Variants in PACSIN1 observed in about 807,000 individuals in gnomAD.
The protein encoded by PACSIN1 is protein kinase C and casein kinase substrate in neurons 1, also known as protein kinase C and casein kinase substrate in neurons protein 1.
A neutral mutation model predicts 59.5 loss-of-function variants in PACSIN1; 15 were observed. The observed-to-expected ratio is 0.25, with a 90% confidence interval of 0.17 to 0.39. The LOEUF is 0.39. Ranked by LOEUF, PACSIN1 falls within the 10% of genes least tolerant of loss-of-function variation. PACSIN1 has a pLI of 1.00. For missense variants in PACSIN1, 420 were observed against 580.2 expected, an observed-to-expected ratio of 0.72 and a Z score of 2.84; for synonymous variants, 210 against 220.6, an observed-to-expected ratio of 0.95 and a Z score of 0.42.
At position 34,531,615 on chromosome 6, in the gene PACSIN1, C is replaced by T; in HGVS notation, c.1053C>T (p.Asp351=). ...AGDRGSVSSY[D]RGQPYATEWS... ...CGCGTCTCAGTGTTAGCAGCTACGA[C>T]AGAGGCCAGCCCTACGCCACCGAGT... The change falls in exon 9 of 10, where the codon GAC becomes GAT. Residue 351 remains aspartate, a synonymous_variant. Coordinates refer to ENST00000244458, the MANE Select transcript of PACSIN1 (RefSeq NM_020804.5). This position sits in a 1 kb window ranked among gnomAD's most constrained non-coding sequence, Gnocchi z 4.4. The T allele has an allele frequency of 6.2e-7, 1 of 1,613,950 alleles. No individual in the cohort carries two copies. Among genetic ancestry groups the T allele is most frequent in the Non-Finnish European group, 8.5e-7 (1 of 1,180,016 alleles).
intron 1 of PACSIN1, among the ~76,000 whole-genome samples, chr6:34,475,235 C>G (rs971511255): frequency 6.6e-6 from 1 of 152,162 alleles, no homozygotes; most frequent in East Asian, 1.9e-4. Flanking sequence ...TACCCCTCAC[C>G]CCTGCCCACA....
intron 1 of PACSIN1, among the ~76,000 whole-genome samples, chr6:34,511,002 C>T (rs560285800): frequency 9.2e-5 from 14 of 152,272 alleles, no homozygotes; most frequent in African/African-American, 2.9e-4. Context: ...TGTGAGCCAC[C>T]GCACTGAGCC....
chr6:34,478,369 C>CT lies in PACSIN1; in HGVS notation c.-64+12120dup, dbSNP rs35124068. ...CCACCACGCCGAGCCTATTTATCTT[C>CT]TTTTTTTTTTTTTTTTTTTTTGAGA... is the stretch of plus-strand genomic sequence containing the variant. On this transcript the variant is annotated intron_variant, in intron 1 of 9. Transcript: ENST00000244458. Among the ~76,000 whole-genome samples the CT allele has an allele frequency of 3.2e-3, 220 of 67,866 alleles. 5 individuals are homozygous for CT. The highest frequency in any genetic ancestry group is 1.0e-2 in the African/African-American group (159 of 15,904). The allele number at this position is 67,866 out of a possible 152,430, so 44.5% of individuals were successfully genotyped here. A position where few individuals can be genotyped will look rare whatever the true frequency, so the allele number is the denominator to read the frequency against.
rs3800466 is a variant in PACSIN1 at position 34,525,235 on chromosome 6, T to C, written c.-63-1008T>C. Among the ~76,000 whole-genome samples, 7,746 of 152,286 alleles carry C rather than the reference T, an allele frequency of 0.051. 367 individuals are homozygous for C. The highest frequency in any genetic ancestry group is 0.11 in the African/African-American group (4,670 of 41,550). On this transcript the variant is annotated intron_variant, in intron 1 of 9. Transcript: ENST00000244458. This position sits in a 1 kb window ranked among gnomAD's most constrained non-coding sequence, Gnocchi z 4.9. The stretch of plus-strand genomic sequence containing the variant: ...CTTCTAAAAGGGAGGGAACAAAATA[T>C]GTTTAGATGCCTGAGGGGTGCAAGA...
In PACSIN1 at chr6:34,521,109, G is replaced by GA. The variant is rs1459899798; in HGVS notation, c.-63-5133dup. Among the ~76,000 whole-genome samples, 1 of 152,246 alleles carries GA rather than the reference G, an allele frequency of 6.6e-6. No homozygotes were observed. The highest frequency in any genetic ancestry group is 1.5e-5 in the Non-Finnish European group (1 of 68,044). The stretch of plus-strand genomic sequence containing the variant: ...ATGCTGGAAATACGGCAGATAACCA[G>GA]ACAGATAAACACCGCTGACTGGACT... On this transcript the variant is annotated intron_variant, in intron 1 of 9. Transcript: ENST00000244458. The surrounding 1 kb of genome is among the most constrained non-coding windows in gnomAD (Gnocchi z 4.3).
chr6:34,513,213 A>T (rs531756416), intron 1 of PACSIN1, among the ~76,000 whole-genome samples: 1 of 152,360 alleles, frequency 6.6e-6, no homozygotes, highest in South Asian at 2.1e-4. Context: ...TAATACTGGA[A>T]TGCTTCATGC....
Position 34,528,722 on chromosome 6 carries a change from G to A in PACSIN1, c.301G>A (p.Val101Met), listed in dbSNP as rs1483714597. Residue 101 changes from valine (V) to methionine (M), a missense_variant, in exon 4 of 10, where the codon GTG (valine) becomes ATG (methionine). Val to Met is a conservative substitution (Grantham distance 21). Coordinates refer to ENST00000244458, the MANE Select transcript of PACSIN1 (RefSeq NM_020804.5). ...ADKVSELHQE[V>M]KNNLLNEDLE... Reference sequence around the variant, plus strand: ...CAAGGTGAGCGAGCTGCACCAGGAGGTGAAGAACAATCTGCTGAATGAGGA... The same window carrying A: ...CAAGGTGAGCGAGCTGCACCAGGAGATGAAGAACAATCTGCTGAATGAGGA... 9 of 1,614,128 alleles carry A rather than the reference G, an allele frequency of 5.6e-6. No individual in the cohort carries two copies. The highest frequency in any genetic ancestry group is 2.2e-5 in the East Asian group (1 of 44,868).
rs115903373 is a variant in PACSIN1 at position 34,500,868 on chromosome 6, C to T, written c.-63-25375C>T. 2.7e-3 allele frequency among the ~76,000 whole-genome samples: 405 copies of T among 152,344 alleles called. 1 individual carries two copies. Among genetic ancestry groups the T allele is most frequent in the African/African-American group, 9.2e-3 (384 of 41,588 alleles). ...TCTACATCAGCACTTGCTGTTTCAACGTGCACTTTGCTGTTATGGAAATGG... is the reference window on the plus strand; with the variant it reads ...TCTACATCAGCACTTGCTGTTTCAATGTGCACTTTGCTGTTATGGAAATGG... On this transcript the variant is annotated intron_variant, in intron 1 of 9. Transcript: ENST00000244458.
At position 34,527,773 on chromosome 6, in the gene PACSIN1, CCCAGGCTCACTGGCCCCA is replaced by C. The variant is rs549957909; in HGVS notation, c.220+287_220+304del. On this transcript the variant is annotated intron_variant, in intron 3 of 9. Transcript: ENST00000244458. ...ACAGAGAATTCCTACATACCCTTCC[CCCAGGCTCACTGGCCCCA>C]CGTTTTCTCACTGACTGTTTATTGA... 6.2e-3 allele frequency: 1,660 copies of C among 267,658 alleles called. 9 individuals are homozygous for C. The highest frequency in any genetic ancestry group is 8.9e-3 in the Non-Finnish European group (1,274 of 143,062). 16.6% of individuals were successfully genotyped at this position (267,658 alleles called of 1,614,324 possible).
chr6:34,477,453 T>G (rs1319004132), intron 1 of PACSIN1, among the ~76,000 whole-genome samples: 1 of 151,898 alleles, frequency 6.6e-6, no homozygotes, highest in East Asian at 1.9e-4. Context: ...TGTGGCCTGT[T>G]GAGGTGCTGT....
chr6:34,529,369 C>G lies in PACSIN1; in HGVS notation c.457-28C>G, dbSNP rs766147536. 14 of 1,612,576 alleles carry G rather than the reference C, an allele frequency of 8.7e-6. No homozygotes were observed. The highest frequency in any genetic ancestry group is 1.7e-4 in the Middle Eastern group (1 of 6,036). Reference sequence around the variant, plus strand: ...TTTGCTGCTGGTCACAAATGAAAACCCTACTCCCTATTCCCCCCTCCCCAC... The same window carrying G: ...TTTGCTGCTGGTCACAAATGAAAACGCTACTCCCTATTCCCCCCTCCCCAC... On this transcript the variant is annotated intron_variant, in intron 4 of 9. Coordinates refer to ENST00000244458, the MANE Select transcript of PACSIN1 (RefSeq NM_020804.5). This position sits in a 1 kb window ranked among gnomAD's most constrained non-coding sequence, Gnocchi z 6.3.
chr6:34,477,851 C>T (rs1235920658), intron 1 of PACSIN1, among the ~76,000 whole-genome samples: 3 of 151,164 alleles, frequency 2.0e-5, no homozygotes, highest in Non-Finnish European at 4.4e-5. Flanking sequence ...TGGGCTTGAG[C>T]TATCCTCACA....
chr6:34,495,272 G>A (rs776350439), intron 1 of PACSIN1, among the ~76,000 whole-genome samples: 44 of 152,212 alleles, frequency 2.9e-4, no homozygotes, highest in Non-Finnish European at 5.7e-4. Context: ...AATGGTGACA[G>A]TGAGGGAAAG....
At chr6:34,487,048 T>A (rs960977239) in intron 1 of PACSIN1, among the ~76,000 whole-genome samples, 15 of 150,080 alleles carry the variant, frequency 1.0e-4, no homozygotes, top group African/African-American at 3.7e-4. Context: ...TGCATGCCTG[T>A]AATCCCAGCT....
chr6:34,522,805 T>C (rs1767416308), intron 1 of PACSIN1, among the ~76,000 whole-genome samples: 1 of 152,106 alleles, frequency 6.6e-6, no homozygotes, highest in Non-Finnish European at 1.5e-5. Flanking sequence ...AGTCCCCGAG[T>C]CCAAAGGCCA....
chr6:34,492,186 T>C (rs1326130797), intron 1 of PACSIN1, among the ~76,000 whole-genome samples: 2 of 146,090 alleles, frequency 1.4e-5, no homozygotes, highest in African/African-American at 4.9e-5. Context: ...GCATCTGTTC[T>C]TTTTTGACCT....
chr6:34,515,318 C>T lies in PACSIN1; in HGVS notation c.-63-10925C>T, dbSNP rs962571230. 4.3e-4 allele frequency among the ~76,000 whole-genome samples: 66 copies of T among 152,322 alleles called. No homozygotes were observed. Among genetic ancestry groups the T allele is most frequent in the African/African-American group, 1.4e-3 (60 of 41,562 alleles). On this transcript the variant is annotated intron_variant, in intron 1 of 9. Transcript: ENST00000244458. This position sits in a 1 kb window ranked among gnomAD's most constrained non-coding sequence, Gnocchi z 4.4. ...TTTCCTCCTCTGTACCTCTTGTCTCCACCACTGCCACAGGTCCTGACTTTG... is the reference window on the plus strand; with the variant it reads ...TTTCCTCCTCTGTACCTCTTGTCTCTACCACTGCCACAGGTCCTGACTTTG...
intron 1 of PACSIN1, among the ~76,000 whole-genome samples, chr6:34,517,095 G>T (rs145938803): frequency 6.6e-6 from 1 of 152,140 alleles, no homozygotes; most frequent in Admixed American, 6.5e-5. Context: ...TTCCTCCCTC[G>T]GTATCCCCAG....
chr6:34,476,840 G>A (rs1766645467), intron 1 of PACSIN1, among the ~76,000 whole-genome samples: 1 of 152,204 alleles, frequency 6.6e-6, no homozygotes, highest in South Asian at 2.1e-4. Context: ...ACAGGGCCAA[G>A]ACAATCCTGA....
Sources: gnomAD v4.1 joint callset for allele counts (sites outside exome capture counted in the v4.1 genomes callset) on GRCh38, gnomAD v4.1.1 for gene constraint, Gnocchi (gnomAD v3.1) non-coding constraint, MANE v1.5 for transcripts, NCBI Gene and HGNC (gene_info 2026-07-23, HGNC 2026-07-21) for gene names.